SWAP70: variants seen among roughly 807,000 people sequenced by gnomAD.
SWAP70 encodes switch-associated protein 70.
In SWAP70, 34 loss-of-function variants were observed where a neutral mutation model predicts 80.2. The ratio of observed to expected loss-of-function variants is 0.42; its 90% confidence interval spans 0.32 to 0.56. The LOEUF (loss-of-function observed/expected upper bound fraction) is 0.56. SWAP70 is among the 20% of genes least tolerant of loss of function. The pLI, the probability that SWAP70 is intolerant of heterozygous loss-of-function variation, is 0.09. For synonymous variants in SWAP70, 239 were observed against 238.5 expected (o/e 1.00, Z -0.02); for missense variants, 578 against 690.7 (o/e 0.84, Z 1.83).
intron 2 of SWAP70, among the ~76,000 whole-genome samples, chr11:9,705,540 TGG>T (rs1850895861): frequency 2.8e-5 from 4 of 144,460 alleles, no homozygotes; most frequent in African/African-American, 8.4e-5. Context: ...CTGTATACAC[TGG>T]TGATCTGTGT....
At chr11:9,686,180 G>T (rs1462068000) in intron 1 of SWAP70, among the ~76,000 whole-genome samples, 1 of 151,616 alleles carries the variant, frequency 6.6e-6, no homozygotes, top group African/African-American at 2.4e-5. Context: ...CCAAAGGCAG[G>T]TTGTAATTAA....
intron 3 of SWAP70, among the ~76,000 whole-genome samples, chr11:9,720,842 G>A (rs1851125169): frequency 6.6e-6 from 1 of 152,072 alleles, no homozygotes. Context: ...TAAAGATGGA[G>A]TCTAGCTCTG....
intron 2 of SWAP70, among the ~76,000 whole-genome samples, chr11:9,708,570 A>G (rs1850953558): frequency 1.3e-5 from 2 of 152,116 alleles, no homozygotes; most frequent in African/African-American, 2.4e-5. Context: ...CCTACAGGCT[A>G]TTTCTTAAAA....
At chr11:9,728,384 T>C (rs1398707998) in intron 5 of SWAP70, among the ~76,000 whole-genome samples, 185 bp downstream of exon 5, 4 of 152,238 alleles carry the variant, frequency 2.6e-5, no homozygotes, top group Middle Eastern at 3.4e-3. Flanking sequence ...GCTGACAAAA[T>C]TTTTTTCTAA....
rs1329266889 is a variant in SWAP70, at chr11:9,719,862, A to G, written c.415-4796A>G. Among the ~76,000 whole-genome samples, 4 of 152,226 alleles carry G rather than the reference A, an allele frequency of 2.6e-5. No homozygotes were observed. The South Asian group carries it at 8.3e-4, about 32-fold the overall frequency. ...TAAAAATTGAACCTGAAATAGTTTTAAGAGACCCTAAATAAATAAAACCTA... is the reference window on the plus strand; with the variant it reads ...TAAAAATTGAACCTGAAATAGTTTTGAGAGACCCTAAATAAATAAAACCTA... On this transcript the variant is annotated intron_variant, in intron 3 of 11. Coordinates refer to ENST00000318950, the MANE Select transcript of SWAP70 (RefSeq NM_015055.4).
chr11:9,746,102 C>G, intron 9 of SWAP70, among the ~76,000 whole-genome samples: 1 of 152,208 alleles, frequency 6.6e-6, no homozygotes, highest in Admixed American at 6.5e-5. Flanking sequence ...GAATTCTCTA[C>G]TGGCTCTGCT....
In SWAP70 at chr11:9,724,862, C is replaced by T. The variant is rs747326513; in HGVS notation, c.619C>T (p.Leu207Phe). 6 of 1,609,322 alleles carry T rather than the reference C, an allele frequency of 3.7e-6. No individual in the cohort carries two copies. Among genetic ancestry groups the T allele is most frequent in the Non-Finnish European group, 5.1e-6 (6 of 1,176,106 alleles). Residue 207 changes from leucine to phenylalanine, a missense_variant, in exon 4 of 12, where the codon CTT (leucine) becomes TTT (phenylalanine). Leu to Phe is a conservative substitution (Grantham distance 22). Coordinates refer to ENST00000318950, the MANE Select transcript of SWAP70 (RefSeq NM_015055.4). ...GGCAATTAATGAAGTCTTTAATGAA[C>T]TTATATTAGATGTGTTAAAGCAGGT... ...SMAINEVFNE[L>F]ILDVLKQGYM...
chr11:9,714,970 CT>C (rs34803928), intron 3 of SWAP70, among the ~76,000 whole-genome samples: 378 of 109,988 alleles, frequency 3.4e-3, no homozygotes, highest in Admixed American at 4.0e-3. Context: ...CCACACCTGC[CT>C]TTTTTTTTTT....
chr11:9,675,684 G>A (rs376617876), intron 1 of SWAP70, among the ~76,000 whole-genome samples: 1 of 148,420 alleles, frequency 6.7e-6, no homozygotes, highest in African/African-American at 2.5e-5. Flanking sequence ...AACCACTTCT[G>A]TCTGCTTCCC....
intron 1 of SWAP70, among the ~76,000 whole-genome samples, chr11:9,686,343 T>TTTTATTTATTTA (rs1306939065): frequency 1.3e-4 from 5 of 38,148 alleles, no homozygotes; most frequent in Admixed American, 3.3e-4. Flanking sequence ...TCTTTTATTT[T>TTTTATTTATTTA]CTTATTTATT....
chr11:9,666,535 T>A (rs530466057), intron 1 of SWAP70, among the ~76,000 whole-genome samples: 1 of 152,178 alleles, frequency 6.6e-6, no homozygotes, highest in East Asian at 1.9e-4. Context: ...AGAAAACTTA[T>A]CACCATATAG....
rs1212461536 is a variant in SWAP70, at chr11:9,732,624, G to A, written c.994G>A (p.Ala332Thr). 2 of 1,590,942 alleles carry A rather than the reference G, an allele frequency of 1.3e-6. No homozygotes were observed. The highest frequency in any genetic ancestry group is 1.1e-5 in the South Asian group (1 of 88,312). ...RRKELRKKQL[A>T]EQEELERQMK... Reference sequence around the variant, plus strand: ...GAAAGAACTCCGGAAGAAGCAGCTGGCTGAACAAGAGGAACTGGAGCGACA... The same window carrying A: ...GAAAGAACTCCGGAAGAAGCAGCTGACTGAACAAGAGGAACTGGAGCGACA... Residue 332 changes from alanine to threonine, a missense_variant, in exon 7 of 12, where the codon GCT becomes ACT. By Grantham distance (58) the Ala-to-Thr change is moderately conservative. Transcript: ENST00000318950.
intron 3 of SWAP70, among the ~76,000 whole-genome samples, chr11:9,719,534 TA>T (rs953848431): frequency 2.3e-3 from 335 of 144,314 alleles, no homozygotes; most frequent in East Asian, 3.2e-3. Context: ...AGACTCCATC[TA>T]AAAAAAAAAA....
At chr11:9,745,007 C>T (rs1416348004) in intron 9 of SWAP70, among the ~76,000 whole-genome samples, 1 of 152,176 alleles carries the variant, frequency 6.6e-6, no homozygotes, top group Admixed American at 6.5e-5. Flanking sequence ...TGGAGTACAC[C>T]TTAGTCGTGT....
rs201181416 is a variant in SWAP70 at position 9,698,093 on chromosome 11, G to GTTTTTTTTT, written c.240+3813_240+3814insTTTTTTTTT. Among the ~76,000 whole-genome samples the GTTTTTTTTT allele has an allele frequency of 8.2e-5, 9 of 109,608 alleles. 2 individuals carry two copies. The highest frequency in any genetic ancestry group is 3.5e-4 in the South Asian group (1 of 2,888). 71.9% of individuals were successfully genotyped at this position (109,608 alleles called of 152,430 possible). On this transcript the variant is annotated intron_variant, in intron 2 of 11. Coordinates refer to ENST00000318950, the MANE Select transcript of SWAP70 (RefSeq NM_015055.4). ...GAGCCACCATGCCTGGCCAATACAT[G>GTTTTTTTTT]TTTTTTGTTTTTTTTTTTTTTTTTT...
Position 9,751,861 on chromosome 11 carries a change from T to G in SWAP70, c.*1891T>G, listed in dbSNP as rs1851594574. On this transcript the variant is annotated 3_prime_UTR_variant, in exon 12 of 12. Transcript: ENST00000318950. ...TTATAAAGTGTATTGTCTAAAATAT[T>G]TTTGTATCATGTGCCTTTGAAATTT... 1 of 152,244 alleles carries G rather than the reference T, an allele frequency of 6.6e-6. No individual in the cohort carries two copies. The highest frequency in any genetic ancestry group is 1.5e-5 in the Non-Finnish European group (1 of 68,044). 9.4% of individuals were successfully genotyped at this position (152,244 alleles called of 1,614,324 possible).
chr11:9,669,681 T>G (rs1035153997), intron 1 of SWAP70, among the ~76,000 whole-genome samples: 1 of 152,164 alleles, frequency 6.6e-6, no homozygotes, highest in Non-Finnish European at 1.5e-5. Flanking sequence ...TGTGTTCCTG[T>G]GTGTGTATGA....
chr11:9,683,201 C>T (rs1318361818), intron 1 of SWAP70, among the ~76,000 whole-genome samples: 2 of 151,930 alleles, frequency 1.3e-5, no homozygotes, highest in East Asian at 3.9e-4. Flanking sequence ...GAGTTTGAGA[C>T]CAGCCTGGAC....
intron 2 of SWAP70, among the ~76,000 whole-genome samples, chr11:9,696,286 T>A (rs932249863): frequency 1.3e-5 from 2 of 152,180 alleles, no homozygotes; most frequent in Admixed American, 1.3e-4. Flanking sequence ...AATTTTGAAT[T>A]TGATGCAAGA....
Sources: gnomAD v4.1 joint callset for allele counts (sites outside exome capture counted in the v4.1 genomes callset) on GRCh38, gnomAD v4.1.1 for gene constraint, MANE v1.5 for transcripts, NCBI Gene and HGNC (gene_info 2026-07-23, HGNC 2026-07-21) for gene names.